The following ATRNL1 variants were observed in gnomAD, a reference collection of about 807,000 sequenced individuals.
ATRNL1 encodes attractin like 1, also known as attractin-like protein 1.
A neutral mutation model predicts 182.7 loss-of-function variants in ATRNL1; 95 were observed. The ratio of observed to expected loss-of-function variants is 0.52; its 90% CI spans 0.44 to 0.62. The LOEUF is 0.62. Ranked by LOEUF, ATRNL1 falls within the 20% of genes least tolerant of loss-of-function variation. ATRNL1 has a pLI of 0.00. For synonymous variants in ATRNL1, 576 were observed against 568.3 expected, an observed-to-expected ratio of 1.01 and a Z score of -0.19; for missense variants, 1,471 against 1,679.5, an observed-to-expected ratio of 0.88 and a Z score of 2.17.
intron 22 of ATRNL1, among the ~76,000 whole-genome samples, chr10:115,462,258 C>T (rs1375985392): frequency 6.6e-6 from 1 of 152,020 alleles, no homozygotes; most frequent in African/African-American, 2.4e-5. Flanking sequence ...AATTTGTCAC[C>T]TTATATATCT....
At chr10:115,880,689 G>A (rs1427310615) in intron 28 of ATRNL1, among the ~76,000 whole-genome samples, 1 of 152,172 alleles carries the variant, frequency 6.6e-6, no homozygotes, top group Non-Finnish European at 1.5e-5. Flanking sequence ...AGAATTTGAT[G>A]GATGTTGTAG....
At chr10:115,750,060 G>T (rs1307666532) in intron 27 of ATRNL1, among the ~76,000 whole-genome samples, 4 of 151,844 alleles carry the variant, frequency 2.6e-5, no homozygotes, top group African/African-American at 9.7e-5. Context: ...TTTAAATAGT[G>T]ATTTATTGAT....
At chr10:115,600,466 C>T (rs1235345193) in intron 26 of ATRNL1, among the ~76,000 whole-genome samples, 1 of 152,094 alleles carries the variant, frequency 6.6e-6, no homozygotes, top group African/African-American at 2.4e-5. Flanking sequence ...TCTAGTACCT[C>T]ATAGTTATAA....
At position 115,631,467 on chromosome 10, in the gene ATRNL1, TAGAA is replaced by T. The variant is rs1475701463; in HGVS notation, c.3795+81935_3795+81938del. ...TAAATAGGATAATAGAATATAGAAA[TAGAA>T]AGACAATGTATGCTATCATATGTAA... On this transcript the variant is annotated intron_variant, in intron 26 of 28. Transcript: ENST00000355044. Among the ~76,000 whole-genome samples, 24 of 151,974 alleles carry T rather than the reference TAGAA, an allele frequency of 1.6e-4. No individual in the cohort carries two copies. In the East Asian group the frequency reaches 1.7e-3, roughly 11 times the overall value.
At chr10:115,685,950 T>A (rs1565284740) in intron 26 of ATRNL1, among the ~76,000 whole-genome samples, 1 of 151,726 alleles carries the variant, frequency 6.6e-6, no homozygotes, top group Non-Finnish European at 1.5e-5. Flanking sequence ...AATAAATAAT[T>A]GCCAAATATG....
At chr10:115,883,782 G>A (rs1022367945) in intron 28 of ATRNL1, among the ~76,000 whole-genome samples, 1 of 152,238 alleles carries the variant, frequency 6.6e-6, no homozygotes, top group Non-Finnish European at 1.5e-5. Flanking sequence ...AGGGGTGAAC[G>A]TTCTGCCTAA....
chr10:115,807,068 A>G (rs569317823), intron 27 of ATRNL1, among the ~76,000 whole-genome samples: 5 of 151,178 alleles, frequency 3.3e-5, no homozygotes, highest in Non-Finnish European at 5.9e-5. Flanking sequence ...GTGAGTTACC[A>G]GGAACTCCAA....
intron 20 of ATRNL1, among the ~76,000 whole-genome samples, chr10:115,425,145 A>T (rs1036153035): frequency 2.0e-5 from 3 of 151,944 alleles, no homozygotes; most frequent in African/African-American, 7.2e-5. Flanking sequence ...TGCATTGGGA[A>T]TGTAATCTGA....
chr10:115,847,710 C>T (rs888687604), intron 27 of ATRNL1, among the ~76,000 whole-genome samples, 167 bp from the exon 28 acceptor site: 9 of 152,070 alleles, frequency 5.9e-5, no homozygotes, highest in African/African-American at 1.9e-4. Context: ...CAAGTGTAGG[C>T]CAAGTGCACA....
chr10:115,346,978 A>T (rs1554939947), intron 19 of ATRNL1, among the ~76,000 whole-genome samples: 1 of 152,110 alleles, frequency 6.6e-6, no homozygotes, highest in African/African-American at 2.4e-5. Flanking sequence ...TTTTGCCAAC[A>T]TAGGTAAAAG....
intron 26 of ATRNL1, among the ~76,000 whole-genome samples, chr10:115,609,873 G>A (rs367811811): frequency 5.3e-5 from 8 of 152,072 alleles, no homozygotes; most frequent in East Asian, 3.9e-4. Context: ...TTGTTCTTAC[G>A]GTATCCGTGG....
chr10:115,183,634 C>G (rs1554888199), intron 8 of ATRNL1, among the ~76,000 whole-genome samples: 1 of 151,070 alleles, frequency 6.6e-6, no homozygotes, highest in Non-Finnish European at 1.5e-5. Flanking sequence ...CAAATTGAAC[C>G]CAGTAAATAT....
chr10:115,874,357 A>G (rs1487246365), intron 28 of ATRNL1, among the ~76,000 whole-genome samples: 1 of 152,232 alleles, frequency 6.6e-6, no homozygotes, highest in Non-Finnish European at 1.5e-5. Flanking sequence ...AGGAGATAGC[A>G]TCACCTACTG....
chr10:115,366,297 T>C (rs1857032937), intron 19 of ATRNL1, among the ~76,000 whole-genome samples: 1 of 151,914 alleles, frequency 6.6e-6, no homozygotes, highest in Non-Finnish European at 1.5e-5. Context: ...TCTTTTGATC[T>C]TTGTTGGTTT....
chr10:115,642,896 A>G (rs989296897), intron 26 of ATRNL1, among the ~76,000 whole-genome samples: 2 of 152,230 alleles, frequency 1.3e-5, no homozygotes, highest in Admixed American at 1.3e-4. Context: ...GTGGCTCTCA[A>G]CAGAGGACTC....
intron 3 of ATRNL1, among the ~76,000 whole-genome samples, chr10:115,125,038 A>G (rs566333644): frequency 6.6e-6 from 1 of 152,316 alleles, no homozygotes; most frequent in South Asian, 2.1e-4. Flanking sequence ...GGGAGAGAAA[A>G]GCATATATAC....
chr10:115,761,198 A>G (rs2960716), intron 27 of ATRNL1, among the ~76,000 whole-genome samples: 144,710 of 152,280 alleles, frequency 0.95, 69,176 homozygotes, highest in East Asian at 1. Flanking sequence ...TTCTATTATA[A>G]TAATGCATTA....
intron 19 of ATRNL1, among the ~76,000 whole-genome samples, chr10:115,381,478 G>A (rs369618826): frequency 4.3e-5 from 5 of 117,076 alleles, no homozygotes; most frequent in South Asian, 5.2e-4. Context: ...TCACCATGTT[G>A]GCCAGGCTGG....
intron 19 of ATRNL1, among the ~76,000 whole-genome samples, chr10:115,368,050 A>T (rs565805614): frequency 4.6e-5 from 7 of 152,292 alleles, no homozygotes; most frequent in African/African-American, 1.7e-4. Flanking sequence ...GGCTCCACCC[A>T]GTTCAGTTGG....
Sources: gnomAD v4.1 joint callset for allele counts (sites outside exome capture counted in the v4.1 genomes callset) on GRCh38, gnomAD v4.1.1 for gene constraint, MANE v1.5 for transcripts, NCBI Gene and HGNC (gene_info 2026-07-23, HGNC 2026-07-21) for gene names.